FANCC: variants seen among roughly 807,000 people sequenced by gnomAD.
The protein encoded by FANCC is Fanconi anemia group C protein.
In FANCC, 55 loss-of-function variants were observed where a neutral mutation model predicts 71.3. The ratio of observed to expected loss-of-function variants is 0.77; its 90% confidence interval spans 0.62 to 0.97. The LOEUF is 0.97. Ranked by LOEUF, FANCC falls within the 50% of genes least tolerant of loss-of-function variation. The pLI is 0.00. For synonymous variants in FANCC, 275 were observed against 244.9 expected (o/e 1.12, Z -1.15); for missense variants, 678 against 670.9 (o/e 1.01, Z -0.12).
chr9:95,176,820 G>T (rs542560551), intron 4 of FANCC, among the ~76,000 whole-genome samples: 1 of 152,326 alleles, frequency 6.6e-6, no homozygotes, highest in African/African-American at 2.4e-5. Context: ...TAACAGCTAA[G>T]GGTCAGTTAA....
At chr9:95,116,004 G>C (rs1399880746) in intron 11 of FANCC, among the ~76,000 whole-genome samples, 1 of 152,218 alleles carries the variant, frequency 6.6e-6, no homozygotes, top group Non-Finnish European at 1.5e-5. Context: ...GTAATATACA[G>C]ACAGCTCTTC....
At chr9:95,179,568 A>T (rs1033725601) in intron 4 of FANCC, among the ~76,000 whole-genome samples, 1 of 152,158 alleles carries the variant, frequency 6.6e-6, no homozygotes, top group Non-Finnish European at 1.5e-5. Context: ...GCTGGTCTCG[A>T]ACTCCTGGCC....
chr9:95,238,757 A>G (rs1412569120), intron 4 of FANCC, among the ~76,000 whole-genome samples: 2 of 151,920 alleles, frequency 1.3e-5, no homozygotes, highest in Non-Finnish European at 2.9e-5. Flanking sequence ...AGTAGAGACA[A>G]GGTTTCACCA....
At chr9:95,157,946 C>T (rs1302717343) in intron 6 of FANCC, among the ~76,000 whole-genome samples, 1 of 152,160 alleles carries the variant, frequency 6.6e-6, no homozygotes, top group African/African-American at 2.4e-5. Flanking sequence ...TCTTTCCACC[C>T]ACTCAGTCCC....
intron 8 of FANCC, among the ~76,000 whole-genome samples, chr9:95,130,303 A>T (rs991323943): frequency 4.3e-4 from 63 of 145,836 alleles, no homozygotes; most frequent in Middle Eastern, 3.5e-3. Flanking sequence ...TGTGTGTGAG[A>T]GAGAGAGAGA....
chr9:95,225,316 A>C (rs1443755457), intron 4 of FANCC, among the ~76,000 whole-genome samples: 1 of 152,228 alleles, frequency 6.6e-6, no homozygotes, highest in Non-Finnish European at 1.5e-5. Context: ...TTTATCCCTA[A>C]ATGTTCCAAG....
At chr9:95,116,266 G>A (rs2072412607) in intron 11 of FANCC, among the ~76,000 whole-genome samples, 1 of 152,236 alleles carries the variant, frequency 6.6e-6, no homozygotes, top group African/African-American at 2.4e-5. Context: ...TGAACCCTGG[G>A]AGAGTGAATT....
chr9:95,263,525 T>TATATAG (rs972408059), intron 1 of FANCC, among the ~76,000 whole-genome samples: 4 of 140,136 alleles, frequency 2.9e-5, no homozygotes, highest in Non-Finnish European at 4.7e-5. Context: ...TATCTATATA[T>TATATAG]ATATAGATAT....
chr9:95,211,240 G>A (rs974813139), intron 4 of FANCC, among the ~76,000 whole-genome samples: 1 of 152,212 alleles, frequency 6.6e-6, no homozygotes, highest in Non-Finnish European at 1.5e-5. Flanking sequence ...GAGAGCCATC[G>A]TGAGCAGAGC....
intron 1 of FANCC, chr9:95,294,650 G>T: frequency 6.3e-7 from 1 of 1,585,888 alleles, no homozygotes; most frequent in Admixed American, 1.7e-5. Context: ...ATGAGTTCTG[G>T]GTTTGAAACC....
intron 1 of FANCC, among the ~76,000 whole-genome samples, chr9:95,249,924 G>A (rs1831224672): frequency 6.6e-6 from 1 of 152,002 alleles, no homozygotes; most frequent in Non-Finnish European, 1.5e-5. Context: ...AACAATTTAA[G>A]CAATCTTTTA....
At chr9:95,293,095 C>A (rs1834156513) in intron 1 of FANCC, 7 of 1,612,402 alleles carry the variant, frequency 4.3e-6, no homozygotes, top group Admixed American at 3.3e-5. Context: ...AATCCCTAGA[C>A]CAGACACCCA....
intron 6 of FANCC, among the ~76,000 whole-genome samples, chr9:95,157,712 A>C (rs1164477936): frequency 6.6e-6 from 1 of 152,166 alleles, no homozygotes; most frequent in Non-Finnish European, 1.5e-5. Context: ...CACTCTGACA[A>C]ACTTCAGACC....
intron 6 of FANCC, among the ~76,000 whole-genome samples, chr9:95,159,514 G>A (rs1234260047): frequency 6.6e-6 from 1 of 152,170 alleles, no homozygotes; most frequent in African/African-American, 2.4e-5. Context: ...TATCTTTATA[G>A]AAGCATGATT....
intron 14 of FANCC, 103 bp from the exon 15 acceptor site, chr9:95,101,953 T>C (rs2071096895): frequency 4.5e-6 from 6 of 1,324,268 alleles, no homozygotes; most frequent in Non-Finnish European, 5.3e-6. Flanking sequence ...AAAGAAGCCC[T>C]ATCCAGCATT....
chr9:95,291,111 A>G (rs933635602), intron 1 of FANCC, among the ~76,000 whole-genome samples: 2 of 152,200 alleles, frequency 1.3e-5, no homozygotes, highest in South Asian at 4.1e-4. Flanking sequence ...CAGACCCACA[A>G]CTAACCATAC....
intron 1 of FANCC, among the ~76,000 whole-genome samples, chr9:95,303,897 G>A (rs1050363954): frequency 1.6e-4 from 25 of 152,136 alleles, no homozygotes; most frequent in African/African-American, 6.0e-4. Context: ...GAAGGGAAGA[G>A]ATAATCACCA....
chr9:95,295,599 C>T (rs1031867806), intron 1 of FANCC, among the ~76,000 whole-genome samples: 1 of 151,948 alleles, frequency 6.6e-6, no homozygotes, highest in African/African-American at 2.4e-5. Context: ...AGCAAAACCC[C>T]ATCTGTACAA....
At chr9:95,185,467 T>A (rs867818660) in intron 4 of FANCC, among the ~76,000 whole-genome samples, 48 of 152,240 alleles carry the variant, frequency 3.2e-4, no homozygotes, top group African/African-American at 1.1e-3. Context: ...AGTCTAAGCT[T>A]AGGGCCTAGA....
Sources: allele counts gnomAD v4.1 joint callset (sites outside exome capture counted in the v4.1 genomes callset), GRCh38; gene constraint gnomAD v4.1.1; transcripts MANE v1.5; gene names NCBI Gene and HGNC (gene_info 2026-07-23, HGNC 2026-07-21).